The following VPS37A variants were observed in gnomAD, a reference collection of about 807,000 sequenced individuals.
The protein encoded by VPS37A is VPS37A subunit of ESCRT-I, also known as vacuolar protein sorting-associated protein 37A.
VPS37A carries 30 observed loss-of-function variants against 49.8 expected under a neutral mutation model. The observed-to-expected ratio is 0.60, with a 90% CI of 0.45 to 0.82. The LOEUF is 0.82. VPS37A is among the 40% of genes least tolerant of loss of function. The probability of loss-of-function intolerance (pLI) is 0.00; values close to 1 mark genes in which losing one functional copy is unlikely to be tolerated. For synonymous variants in VPS37A, 195 were observed against 160.6 expected (o/e 1.21, Z -1.62); for missense variants, 593 against 464.4 (o/e 1.28, Z -2.55).
At chr8:17,323,338 C>A in the VPS37A span, among the ~76,000 whole-genome samples, 1 of 152,036 alleles carries the variant, frequency 6.6e-6, no homozygotes, top group Non-Finnish European at 1.5e-5. Context: ...TCCCTTGACT[C>A]CACTTTCCAT....
downstream of VPS37A, chr8:17,304,539 T>C (rs1271533333): frequency 1.2e-6 from 2 of 1,606,890 alleles, no homozygotes; most frequent in East Asian, 2.2e-5. Context: ...AGAAAATAAG[T>C]CTATAAATGA....
chr8:17,287,048 C>G (rs1815667575), intron 11 of VPS37A, among the ~76,000 whole-genome samples: 1 of 152,148 alleles, frequency 6.6e-6, no homozygotes, highest in African/African-American at 2.4e-5. Flanking sequence ...TGCATTTTCC[C>G]CTTACATTGC....
intron 11 of VPS37A, among the ~76,000 whole-genome samples, chr8:17,290,582 G>T (rs1816049002): frequency 6.6e-6 from 1 of 152,194 alleles, no homozygotes; most frequent in Non-Finnish European, 1.5e-5. Flanking sequence ...CAGTTTGCCA[G>T]TACATTAATG....
chr8:17,286,270 CT>C (rs1234399077), intron 10 of VPS37A, 76 bp from the exon 11 acceptor site: 3 of 1,141,924 alleles, frequency 2.6e-6, no homozygotes. Flanking sequence ...TAAAAGCTTC[CT>C]GTCATACTGT....
rs1438767856 is a variant in VPS37A, at chr8:17,286,549, T to A, written c.*122T>A. On this transcript the variant is annotated intron_variant, in intron 11 of 11. Transcript: ENST00000324849. ...AATTCTGTCATTATAGTTACTGTGC[T>A]ATGTAACATAGAATGCTTTGTATTA... The A allele has an allele frequency of 1.8e-5, 13 of 742,728 alleles. No individual in the cohort carries two copies. In the East Asian group the frequency reaches 3.6e-4, roughly 20 times the overall value. The allele number at this position is 742,728 out of a possible 1,614,324, so 46.0% of individuals were successfully genotyped here.
chr8:17,250,129 A>G (rs1563232163), intron 1 of VPS37A, among the ~76,000 whole-genome samples: 1 of 152,154 alleles, frequency 6.6e-6, no homozygotes, highest in East Asian at 1.9e-4. Context: ...GTAGTTTGTA[A>G]TATACCGCCC....
At chr8:17,319,678 T>G in the VPS37A span, among the ~76,000 whole-genome samples, 11 of 152,194 alleles carry the variant, frequency 7.2e-5, no homozygotes, top group African/African-American at 2.2e-4. Flanking sequence ...TTATTCTCAT[T>G]CTTGATTGTG....
At chr8:17,248,602 C>T (rs1322218052) in intron 1 of VPS37A, among the ~76,000 whole-genome samples, 3 of 152,124 alleles carry the variant, frequency 2.0e-5, no homozygotes, top group Non-Finnish European at 2.9e-5. Flanking sequence ...ATATTATTTT[C>T]ATACAGTTAA....
intron 6 of VPS37A, among the ~76,000 whole-genome samples, chr8:17,277,899 CACAG>C (rs1255004270): frequency 4.0e-5 from 6 of 148,718 alleles, no homozygotes; most frequent in East Asian, 3.9e-4. Flanking sequence ...CACACACACA[CACAG>C]ACATATACAT....
chr8:17,305,758 T>A, downstream of VPS37A: 1 of 1,606,188 alleles, frequency 6.2e-7, no homozygotes, highest in Non-Finnish European at 8.5e-7. Flanking sequence ...AACACTTACT[T>A]GAGTTCTCGT....
chr8:17,276,489 G>C, intron 6 of VPS37A, 22 bp downstream of exon 6: 1 of 1,591,892 alleles, frequency 6.3e-7, no homozygotes, highest in Non-Finnish European at 8.6e-7. Flanking sequence ...AAGTAAAGTT[G>C]GTCACATTGT....
Position 17,268,299 on chromosome 8 carries a change from G to T in VPS37A, c.242G>T (p.Ser81Ile). 1 of 1,613,226 alleles carries T rather than the reference G, an allele frequency of 6.2e-7. No individual in the cohort carries two copies. Among genetic ancestry groups the T allele is most frequent in the Non-Finnish European group, 8.5e-7 (1 of 1,179,778 alleles). ...PQFPQEKPVI[S>I]VYPPIRHHLM... ...TTTCCTCAGGAAAAACCAGTGATCAGTGTTTATCCACCAATACGACATCAC... is the reference window on the plus strand; with the variant it reads ...TTTCCTCAGGAAAAACCAGTGATCATTGTTTATCCACCAATACGACATCAC... Residue 81 changes from serine to isoleucine, a missense_variant, in exon 3 of 12, where the codon AGT (serine) becomes ATT (isoleucine). Ser to Ile is a moderately radical substitution (Grantham distance 142, BLOSUM62 -2). Transcript: ENST00000324849.
intron 1 of VPS37A, among the ~76,000 whole-genome samples, chr8:17,260,512 G>T (rs1232758190): frequency 6.6e-6 from 1 of 152,064 alleles, no homozygotes; most frequent in Non-Finnish European, 1.5e-5. Context: ...CAGTATTAGA[G>T]GATTCTGGGT....
downstream of VPS37A, among the ~76,000 whole-genome samples, chr8:17,300,596 A>G (rs1046993242): frequency 6.6e-6 from 1 of 152,226 alleles, no homozygotes; most frequent in African/African-American, 2.4e-5. Context: ...TTTATCATCT[A>G]ACTTTTATAC....
rs903201832 is a variant in VPS37A, at chr8:17,297,704, T to G, written c.*2718T>G. ...TCAATAAAACACTTCCTGATTAATG[T>G]TTGATTATTAGATATTTTAGTCTTG... On this transcript the variant is annotated 3_prime_UTR_variant, in exon 12 of 12. Transcript: ENST00000324849. 3 of 152,072 alleles carry G rather than the reference T, an allele frequency of 2.0e-5. No individual in the cohort carries two copies. The highest frequency in any genetic ancestry group is 4.4e-5 in the Non-Finnish European group (3 of 67,938). The allele number at this position is 152,072 out of a possible 1,614,324, so 9.4% of individuals were successfully genotyped here. A position where few individuals can be genotyped will look rare whatever the true frequency, so the allele number is the denominator to read the frequency against.
chr8:17,279,872 A>C, intron 6 of VPS37A, 156 bp from the exon 7 acceptor site: 1 of 839,606 alleles, frequency 1.2e-6, no homozygotes, highest in South Asian at 1.4e-5. Context: ...TTGATGTTTT[A>C]TTTGATTTTA....
In VPS37A at chr8:17,286,321, G is replaced by C. The variant is rs3793427; in HGVS notation, c.1114-26G>C. 499,153 of 1,594,638 alleles carry C rather than the reference G, an allele frequency of 0.31. 89,564 individuals are homozygous for C. The highest frequency in any genetic ancestry group is 0.74 in the East Asian group (32,853 of 44,306). On this transcript the variant is annotated intron_variant, in intron 10 of 11. Transcript: ENST00000324849. ...TAGGCATATCTTTGTAAAAGTGACT[G>C]GTATTTTCAAAAATTTATTTTCTAG...
Position 17,297,878 on chromosome 8 carries a change from T to C in VPS37A, c.*2892T>C, listed in dbSNP as rs1816817716. ...TAAGCAGACGAACATGTTACATAAATTATAATGTCTGTCTTGTAAAAAAGT... is the reference window on the plus strand; with the variant it reads ...TAAGCAGACGAACATGTTACATAAACTATAATGTCTGTCTTGTAAAAAAGT... On this transcript the variant is annotated 3_prime_UTR_variant, in exon 12 of 12. Coordinates refer to ENST00000324849, the MANE Select transcript of VPS37A (RefSeq NM_152415.3). The C allele has an allele frequency of 6.6e-6, 1 of 152,018 alleles. No individual in the cohort carries two copies. Among genetic ancestry groups the C allele is most frequent in the Admixed American group, 6.6e-5 (1 of 15,250 alleles). The allele number at this position is 152,018 out of a possible 1,614,324, so 9.4% of individuals were successfully genotyped here. A position where few individuals can be genotyped will look rare whatever the true frequency, so the allele number is the denominator to read the frequency against.
the VPS37A span, among the ~76,000 whole-genome samples, chr8:17,330,847 T>C: frequency 6.6e-6 from 1 of 152,208 alleles, no homozygotes; most frequent in Non-Finnish European, 1.5e-5. Context: ...TAAATGGCCT[T>C]GAATGGGGAT....
Sources: allele counts gnomAD v4.1 joint callset (sites outside exome capture counted in the v4.1 genomes callset), GRCh38; gene constraint gnomAD v4.1.1; transcripts MANE v1.5; gene names NCBI Gene and HGNC (gene_info 2026-07-23, HGNC 2026-07-21).